The following TMEM212 variants were observed in gnomAD, a reference collection of about 807,000 sequenced individuals.
TMEM212 encodes transmembrane protein 212.
TMEM212 carries 23 observed loss-of-function variants against 20.5 expected under a neutral mutation model. The ratio of observed to expected loss-of-function variants is 1.12; its 90% CI spans 0.81 to 1.59. The LOEUF is 1.59. Ranked by LOEUF, TMEM212 falls within the 40% of genes most tolerant of loss-of-function variation. The probability of loss-of-function intolerance (pLI) is 0.00; values close to 1 mark genes in which losing one functional copy is unlikely to be tolerated. For synonymous variants in TMEM212, 76 were observed against 81.6 expected (o/e 0.93, Z 0.37); for missense variants, 211 against 215.0 (o/e 0.98, Z 0.12).
intron 1 of TMEM212, among the ~76,000 whole-genome samples, chr3:171,847,569 G>A (rs1724865585): frequency 6.6e-6 from 1 of 152,112 alleles, no homozygotes; most frequent in African/African-American, 2.4e-5. Context: ...CAGGATTATT[G>A]CAATAGGGAA....
intron 1 of TMEM212, among the ~76,000 whole-genome samples, chr3:171,845,298 T>C (rs1358776290): frequency 6.6e-6 from 1 of 152,218 alleles, no homozygotes; most frequent in Non-Finnish European, 1.5e-5. Flanking sequence ...ATCTATTATG[T>C]ATATACATGT....
chr3:171,851,108 T>G (rs531042462), intron 1 of TMEM212, among the ~76,000 whole-genome samples: 20 of 152,174 alleles, frequency 1.3e-4, no homozygotes, highest in Non-Finnish European at 2.8e-4. Context: ...CTGTCCATAT[T>G]CTATATCTTA....
chr3:171,847,804 A>G (rs1285374056), intron 1 of TMEM212, among the ~76,000 whole-genome samples: 1 of 151,950 alleles, frequency 6.6e-6, no homozygotes, highest in Non-Finnish European at 1.5e-5. Flanking sequence ...AGGAGGAGAA[A>G]TCTGACTAGT....
intron 1 of TMEM212, among the ~76,000 whole-genome samples, chr3:171,850,770 G>T (rs936179032): frequency 6.6e-6 from 1 of 152,116 alleles, no homozygotes; most frequent in Non-Finnish European, 1.5e-5. Context: ...TTTATCCATG[G>T]GAGTTTTATG....
In TMEM212 at chr3:171,853,824, A is replaced by G. The variant is rs962618860; in HGVS notation, c.517A>G (p.Arg173Gly). 21 of 1,536,550 alleles carry G rather than the reference A, an allele frequency of 1.4e-5. No homozygotes were observed. Among genetic ancestry groups the G allele is most frequent in the Non-Finnish European group, 1.7e-5 (20 of 1,146,576 alleles). Residue 173 changes from arginine to glycine, a missense_variant, in exon 3 of 5, where the codon AGA (arginine) becomes GGA (glycine). Coordinates refer to ENST00000334567, the MANE Select transcript of TMEM212 (RefSeq NM_001164436.2). ...GACAGTGTTCATCAAACTTTCTGCA[A>G]GACTTATCCAGAATGGACACATAAA... ...SLTVFIKLSA[R>G]LIQNGHINMQ...
intron 2 of TMEM212, among the ~76,000 whole-genome samples, chr3:171,852,907 G>A (rs2108381393): frequency 6.6e-6 from 1 of 152,264 alleles, no homozygotes; most frequent in Admixed American, 6.5e-5. Context: ...AGTAGATCTG[G>A]GTGAGGCCTG....
rs1418834980 is a variant in TMEM212 at position 171,853,507 on chromosome 3, TA to T, written c.220-19del. 6.6e-7 allele frequency: 1 copy of T among 1,524,672 alleles called. No individual in the cohort carries two copies. The highest frequency in any genetic ancestry group is 1.4e-5 in the African/African-American group (1 of 72,488). The allele number at this position is 1,524,672 out of a possible 1,614,324, so 94.4% of individuals were successfully genotyped here. On this transcript the variant is annotated intron_variant, in intron 2 of 4. Coordinates refer to ENST00000334567, the MANE Select transcript of TMEM212 (RefSeq NM_001164436.2). ...ATATTTTGTTCCCAAAGTAACAATT[TA>T]TTTTTGCTTTATTTTCAGGGGGAAG...
At chr3:171,850,788 G>A (rs758062352) in intron 1 of TMEM212, among the ~76,000 whole-genome samples, 1 of 152,124 alleles carries the variant, frequency 6.6e-6, no homozygotes, top group African/African-American at 2.4e-5. Context: ...ATGGTATGGC[G>A]ATGCCAAGTC....
chr3:171,853,086 A>G (rs1288893769), intron 2 of TMEM212, among the ~76,000 whole-genome samples: 1 of 152,186 alleles, frequency 6.6e-6, no homozygotes, highest in Non-Finnish European at 1.5e-5. Flanking sequence ...ACATAAATAA[A>G]CGTTTGTTGA....
intron 2 of TMEM212, 48 bp from the exon 3 acceptor site, chr3:171,853,479 G>A (rs944873137): frequency 2.0e-6 from 3 of 1,469,956 alleles, no homozygotes; most frequent in Admixed American, 2.2e-5. Flanking sequence ...AGAAGCCTTT[G>A]AAATATTTTG....
intron 3 of TMEM212, among the ~76,000 whole-genome samples, chr3:171,854,265 T>TTA (rs149508050): frequency 3.2e-4 from 49 of 151,810 alleles, no homozygotes; most frequent in African/African-American, 8.0e-4. Flanking sequence ...TGACATGACC[T>TTA]TATATATATA....
chr3:171,848,597 T>TAGAAC (rs1724893324), intron 1 of TMEM212, among the ~76,000 whole-genome samples: 1 of 151,916 alleles, frequency 6.6e-6, no homozygotes, highest in African/African-American at 2.4e-5. Flanking sequence ...TAGAATAGAA[T>TAGAAC]AGAATAGAAT....
intron 1 of TMEM212, among the ~76,000 whole-genome samples, chr3:171,851,277 AT>A (rs924492835): frequency 6.6e-6 from 1 of 152,130 alleles, no homozygotes; most frequent in Non-Finnish European, 1.5e-5. Context: ...CCAGGAATAT[AT>A]TTTTTTCATT....
At chr3:171,843,817 CACTTA>C (rs1470076331) in intron 1 of TMEM212, among the ~76,000 whole-genome samples, 2 of 151,932 alleles carry the variant, frequency 1.3e-5, no homozygotes, top group African/African-American at 4.8e-5. Flanking sequence ...TATTTTAATC[CACTTA>C]ACTTGATATG....
In TMEM212 at chr3:171,858,835, A is replaced by G. The variant is rs943325053; in HGVS notation, c.*778A>G. 6 of 152,180 alleles carry G rather than the reference A, an allele frequency of 3.9e-5. No homozygotes were observed. The highest frequency in any genetic ancestry group is 1.3e-4 in the Admixed American group (2 of 15,244). The allele number at this position is 152,180 out of a possible 1,614,324, so 9.4% of individuals were successfully genotyped here. A position where few individuals can be genotyped will look rare whatever the true frequency, so the allele number is the denominator to read the frequency against. ...ACATAATCCCAAATCATGCTACTAT[A>G]AAGACACATGCACACGTATGTTTAT... On this transcript the variant is annotated 3_prime_UTR_variant, in exon 5 of 5. Coordinates refer to ENST00000334567, the MANE Select transcript of TMEM212 (RefSeq NM_001164436.2).
rs1357735008 is a variant in TMEM212 at position 171,853,658 on chromosome 3, C to T, written c.351C>T (p.Tyr117=). 2.0e-6 allele frequency: 3 copies of T among 1,537,336 alleles called. No individual in the cohort carries two copies. Among genetic ancestry groups the T allele is most frequent in the East Asian group, 2.4e-5 (1 of 40,928 alleles). Residue 117 remains tyrosine (Y), a synonymous_variant, in exon 3 of 5, where the codon TAC becomes TAT. Coordinates refer to ENST00000334567, the MANE Select transcript of TMEM212 (RefSeq NM_001164436.2). ...YSFSGIAGTN[Y]LGYAVTFPYP... is the part of the protein sequence containing the mutation. Reference sequence around the variant, plus strand: ...TTTCAGGGATTGCAGGGACTAATTACCTTGGCTATGCAGTTACCTTTCCTT... The same window carrying T: ...TTTCAGGGATTGCAGGGACTAATTATCTTGGCTATGCAGTTACCTTTCCTT...
At chr3:171,849,000 G>A (rs1578515489) in intron 1 of TMEM212, among the ~76,000 whole-genome samples, 4 of 151,978 alleles carry the variant, frequency 2.6e-5, no homozygotes, top group South Asian at 2.1e-4. Context: ...AAGTTCAGAC[G>A]TGCTAGACTG....
chr3:171,855,023 AAT>A (rs1725080794), intron 3 of TMEM212, among the ~76,000 whole-genome samples: 1 of 152,226 alleles, frequency 6.6e-6, no homozygotes, highest in South Asian at 2.1e-4. Context: ...AAGAAATCAT[AAT>A]AGTCTTTCTA....
chr3:171,852,397 C>T (rs992052348), intron 2 of TMEM212, among the ~76,000 whole-genome samples: 10 of 152,104 alleles, frequency 6.6e-5, no homozygotes, highest in African/African-American at 2.2e-4. Flanking sequence ...GACAGGGTTT[C>T]GCCATGTTGG....
Sources: gnomAD v4.1 joint callset for allele counts (sites outside exome capture counted in the v4.1 genomes callset) on GRCh38, gnomAD v4.1.1 for gene constraint, MANE v1.5 for transcripts, NCBI Gene and HGNC (gene_info 2026-07-23, HGNC 2026-07-21) for gene names.